The following L3MBTL4 variants were observed in gnomAD, a reference collection of about 807,000 sequenced individuals.
L3MBTL4 encodes the protein L3MBTL histone methyl-lysine binding protein 4.
A neutral mutation model predicts 84.5 loss-of-function variants in L3MBTL4; 70 were observed. That is an observed-to-expected ratio of 0.83 (90% CI 0.68 to 1.01). L3MBTL4 has a LOEUF of 1.01. Ranked by LOEUF, L3MBTL4 falls within the 50% of genes least tolerant of loss-of-function variation. The pLI, the probability that L3MBTL4 is intolerant of heterozygous loss-of-function variation, is 0.00. For synonymous variants in L3MBTL4, 274 were observed against 259.8 expected (o/e 1.05, Z -0.52); for missense variants, 715 against 754.8 (o/e 0.95, Z 0.62).
chr18:6,347,432 A>G (rs2052965140), intron 1 of L3MBTL4, among the ~76,000 whole-genome samples: 1 of 151,818 alleles, frequency 6.6e-6, no homozygotes, highest in Admixed American at 6.6e-5. Flanking sequence ...TGGCCTTTAT[A>G]GTGATAATGT....
intron 4 of L3MBTL4, among the ~76,000 whole-genome samples, chr18:6,296,700 T>C (rs1185777568): frequency 6.6e-6 from 1 of 152,000 alleles, no homozygotes; most frequent in Non-Finnish European, 1.5e-5. Context: ...AGTAACATTC[T>C]AGGGAAGGGG....
chr18:6,086,831 C>T (rs2058275008), intron 15 of L3MBTL4, among the ~76,000 whole-genome samples: 1 of 152,142 alleles, frequency 6.6e-6, no homozygotes, highest in African/African-American at 2.4e-5. Flanking sequence ...AAAATTGGCT[C>T]CACACAAAGA....
intron 13 of L3MBTL4, among the ~76,000 whole-genome samples, chr18:6,153,187 T>C (rs921364766): frequency 6.6e-6 from 1 of 152,194 alleles, no homozygotes; most frequent in Non-Finnish European, 1.5e-5. Context: ...TGTTCTTCTT[T>C]CTTAAAACTG....
chr18:6,411,533 C>G (rs948511539), intron 1 of L3MBTL4, among the ~76,000 whole-genome samples: 5 of 152,146 alleles, frequency 3.3e-5, no homozygotes, highest in African/African-American at 1.2e-4. Flanking sequence ...TAGCAACTGA[C>G]AAGACTAACC....
intron 16 of L3MBTL4, among the ~76,000 whole-genome samples, chr18:5,974,248 C>A (rs1439323051): frequency 6.6e-6 from 1 of 152,144 alleles, no homozygotes; most frequent in Non-Finnish European, 1.5e-5. Context: ...ATATACTGTA[C>A]CCTCAAGTTT....
At chr18:6,204,171 A>G (rs1439445298) in intron 12 of L3MBTL4, among the ~76,000 whole-genome samples, 1 of 152,066 alleles carries the variant, frequency 6.6e-6, no homozygotes, top group African/African-American at 2.4e-5. Context: ...CTATTGCCAC[A>G]CCCCTTGGGG....
chr18:6,367,919 G>A (rs982736081), intron 1 of L3MBTL4, among the ~76,000 whole-genome samples: 6 of 152,096 alleles, frequency 3.9e-5, no homozygotes, highest in Non-Finnish European at 7.4e-5. Context: ...ATAAAGAAAT[G>A]AAAGTTCTAT....
chr18:6,241,467 T>C lies in L3MBTL4; in HGVS notation c.461-18A>G, dbSNP rs1051641592. ...TCTATAACCTAAAAAAAGCACAGAT[T>C]ACTCAAAATACCCAAAAGATGTAAT... On this transcript the variant is annotated intron_variant, in intron 7 of 18. Coordinates refer to ENST00000317931, the MANE Select transcript of L3MBTL4 (RefSeq NM_001330559.2). The C allele has an allele frequency of 2.0e-5, 26 of 1,319,956 alleles. No homozygotes were observed. Among genetic ancestry groups the C allele is most frequent in the Non-Finnish European group, 2.8e-5 (26 of 926,402 alleles). The allele number at this position is 1,319,956 out of a possible 1,614,324, so 81.8% of individuals were successfully genotyped here. A position where few individuals can be genotyped will look rare whatever the true frequency, so the allele number is the denominator to read the frequency against.
At chr18:6,396,491 G>C (rs457784) in intron 1 of L3MBTL4, 61,183 of 151,882 alleles carry the variant, frequency 0.4, 12,495 homozygotes, top group Middle Eastern at 0.47. Flanking sequence ...AGTCCAAATT[G>C]TTCTCTCTAC....
At chr18:5,985,443 G>C (rs2053424367) in intron 16 of L3MBTL4, among the ~76,000 whole-genome samples, 1 of 152,088 alleles carries the variant, frequency 6.6e-6, no homozygotes, top group South Asian at 2.1e-4. Flanking sequence ...CAACACTCAG[G>C]CAGTGCTTAC....
chr18:6,100,692 C>T (rs1332862485), intron 14 of L3MBTL4, among the ~76,000 whole-genome samples: 1 of 152,228 alleles, frequency 6.6e-6, no homozygotes, highest in Non-Finnish European at 1.5e-5. Flanking sequence ...AGGTAAACAT[C>T]CTCCCTAGGC....
chr18:6,325,005 A>G (rs972477492), intron 1 of L3MBTL4, among the ~76,000 whole-genome samples: 1 of 152,158 alleles, frequency 6.6e-6, no homozygotes, highest in Non-Finnish European at 1.5e-5. Flanking sequence ...GTCTGTCACT[A>G]CTAGATGTTG....
intron 16 of L3MBTL4, among the ~76,000 whole-genome samples, chr18:6,054,686 G>T (rs773478230): frequency 6.6e-6 from 1 of 152,158 alleles, no homozygotes; most frequent in African/African-American, 2.4e-5. Flanking sequence ...TTAACGCTTC[G>T]CCACAGAGCT....
At chr18:6,169,773 A>G (rs1024932190) in intron 13 of L3MBTL4, among the ~76,000 whole-genome samples, 5 of 152,034 alleles carry the variant, frequency 3.3e-5, no homozygotes, top group Admixed American at 6.5e-5. Context: ...GCACATGTAC[A>G]CATATGTAAC....
intron 4 of L3MBTL4, among the ~76,000 whole-genome samples, chr18:6,287,827 T>TTAAATAA (rs1340022964): frequency 3.3e-5 from 5 of 152,198 alleles, no homozygotes; most frequent in Admixed American, 3.3e-4. Flanking sequence ...TTTATAAGAT[T>TTAAATAA]ACCTATTTAA....
chr18:6,181,099 G>T (rs2145348657), intron 12 of L3MBTL4, among the ~76,000 whole-genome samples: 1 of 152,154 alleles, frequency 6.6e-6, no homozygotes, highest in South Asian at 2.1e-4. Context: ...TCTGCAGGGA[G>T]GTAGGACTGG....
intron 14 of L3MBTL4, among the ~76,000 whole-genome samples, chr18:6,129,368 CTGTGTGTGTGTG>C (rs772735191): frequency 3.6e-5 from 5 of 138,222 alleles, no homozygotes; most frequent in African/African-American, 8.3e-5. Context: ...GGAATTCTCT[CTGTGTGTGTGTG>C]TGTGTGTGTG....
chr18:6,145,397 C>T (rs765861484), intron 13 of L3MBTL4, among the ~76,000 whole-genome samples: 5 of 151,932 alleles, frequency 3.3e-5, no homozygotes, highest in Admixed American at 6.6e-5. Context: ...GCCCATAGCA[C>T]AGTGATAATG....
At chr18:6,371,777 T>C (rs1229023612) in intron 1 of L3MBTL4, among the ~76,000 whole-genome samples, 2 of 152,208 alleles carry the variant, frequency 1.3e-5, no homozygotes, top group Non-Finnish European at 1.5e-5. Flanking sequence ...ACCTAATAAT[T>C]TGATCTTGTT....
Sources: gnomAD v4.1 joint callset for allele counts (sites outside exome capture counted in the v4.1 genomes callset) on GRCh38, gnomAD v4.1.1 for gene constraint, MANE v1.5 for transcripts, NCBI Gene and HGNC (gene_info 2026-07-23, HGNC 2026-07-21) for gene names.